Variants in BMAL1 observed in about 807,000 individuals in gnomAD.
BMAL1 encodes the protein basic helix-loop-helix ARNT like 1.
the BMAL1 span, among the ~76,000 whole-genome samples, chr11:13,320,080 A>G: frequency 6.6e-6 from 1 of 152,216 alleles, no homozygotes; most frequent in Non-Finnish European, 1.5e-5. Context: ...CGAAGGTTTG[A>G]AACCTTAGCA....
chr11:13,292,661 C>A, the BMAL1 span, among the ~76,000 whole-genome samples: 2 of 151,874 alleles, frequency 1.3e-5, no homozygotes, highest in African/African-American at 4.8e-5. Flanking sequence ...GTTGGGATAC[C>A]AGGTGAGTCC....
chr11:13,382,813 C>T, the BMAL1 span, among the ~76,000 whole-genome samples: 6 of 152,186 alleles, frequency 3.9e-5, no homozygotes, highest in Admixed American at 2.0e-4. Flanking sequence ...CCTCAGCGTT[C>T]GTTTTATAAG....
At chr11:13,334,541 TTC>T in the BMAL1 span, among the ~76,000 whole-genome samples, 1 of 151,738 alleles carries the variant, frequency 6.6e-6, no homozygotes, top group Non-Finnish European at 1.5e-5. Context: ...TTTTTTTTTT[TTC>T]CTGAACATGG....
chr11:13,376,823 A>C, the BMAL1 span: 3 of 1,219,304 alleles, frequency 2.5e-6, no homozygotes, highest in Non-Finnish European at 3.4e-6. Context: ...CCCTCCATTC[A>C]TATTCTGTGG....
chr11:13,335,092 ATC>A, the BMAL1 span, among the ~76,000 whole-genome samples: 1 of 152,228 alleles, frequency 6.6e-6, no homozygotes, highest in East Asian at 1.9e-4. Context: ...ACTGGATAAA[ATC>A]TGGTTCTACC....
chr11:13,385,751 G>A, the BMAL1 span: 1 of 1,613,638 alleles, frequency 6.2e-7, no homozygotes, highest in South Asian at 1.1e-5. Context: ...AGGCTCAGGA[G>A]AACCCAGGTT....
chr11:13,383,088 T>C, the BMAL1 span, among the ~76,000 whole-genome samples: 2 of 152,164 alleles, frequency 1.3e-5, no homozygotes, highest in Non-Finnish European at 2.9e-5. Context: ...CTGACAGCAG[T>C]ATTAAATGGT....
the BMAL1 span, among the ~76,000 whole-genome samples, chr11:13,283,729 A>C: frequency 6.6e-6 from 1 of 151,744 alleles, no homozygotes; most frequent in Non-Finnish European, 1.5e-5. Context: ...GCTGCCTGAA[A>C]CCCTCCGCAT....
At chr11:13,302,355 C>T in the BMAL1 span, among the ~76,000 whole-genome samples, 3 of 152,180 alleles carry the variant, frequency 2.0e-5, no homozygotes, top group African/African-American at 7.2e-5. Flanking sequence ...GGGATCATAG[C>T]TGTTGATGAG....
the BMAL1 span, among the ~76,000 whole-genome samples, chr11:13,324,081 A>C: frequency 1.1e-4 from 16 of 152,222 alleles, no homozygotes; most frequent in African/African-American, 3.6e-4. Flanking sequence ...CCTGGAAGCC[A>C]CCACTGCTCC....
the BMAL1 span, among the ~76,000 whole-genome samples, chr11:13,295,443 G>T: frequency 6.6e-6 from 1 of 152,152 alleles, no homozygotes; most frequent in African/African-American, 2.4e-5. Context: ...AAGTGGGAGG[G>T]CCAGAGTTGG....
chr11:13,319,381 TA>T, the BMAL1 span, among the ~76,000 whole-genome samples: 1 of 152,238 alleles, frequency 6.6e-6, no homozygotes, highest in African/African-American at 2.4e-5. Context: ...ACTTTTGGTT[TA>T]AATGGTTTGC....
the BMAL1 span, among the ~76,000 whole-genome samples, chr11:13,371,865 T>A: frequency 2.6e-5 from 4 of 152,122 alleles, no homozygotes; most frequent in Admixed American, 1.3e-4. Context: ...TTGATCCACC[T>A]CCTCTACTGG....
the BMAL1 span, among the ~76,000 whole-genome samples, chr11:13,346,580 G>A: frequency 6.6e-6 from 1 of 152,178 alleles, no homozygotes; most frequent in Non-Finnish European, 1.5e-5. Context: ...GGGCAGGCTG[G>A]GCTGTGACTT....
chr11:13,346,985 T>C, the BMAL1 span, among the ~76,000 whole-genome samples: 2 of 152,236 alleles, frequency 1.3e-5, no homozygotes, highest in Non-Finnish European at 2.9e-5. Context: ...TGTTGTTTTA[T>C]TTATTGTTCT....
At chr11:13,356,887 C>CA in the BMAL1 span, 2 of 1,595,618 alleles carry the variant, frequency 1.3e-6, no homozygotes, top group Admixed American at 3.5e-5. Context: ...TGGAGATGAG[C>CA]AAGGAGGCCG....
the BMAL1 span, chr11:13,369,585 TCA>T: frequency 6.2e-7 from 1 of 1,612,860 alleles, no homozygotes; most frequent in Non-Finnish European, 8.5e-7. Context: ...AACACTGCTC[TCA>T]GTTTATCACA....
chr11:13,316,762 G>C, the BMAL1 span, among the ~76,000 whole-genome samples: 7 of 152,200 alleles, frequency 4.6e-5, no homozygotes, highest in South Asian at 1.5e-3. Flanking sequence ...TGACCAAATG[G>C]GGAAAGTGGA....
chr11:13,332,334 A>C, the BMAL1 span, among the ~76,000 whole-genome samples: 1 of 152,192 alleles, frequency 6.6e-6, no homozygotes, highest in African/African-American at 2.4e-5. Context: ...TGTACACAGA[A>C]TGTCCCCAAG....
Sources: gnomAD v4.1 joint callset for allele counts (sites outside exome capture counted in the v4.1 genomes callset) on GRCh38, gnomAD v4.1.1 for gene constraint, MANE v1.5 for transcripts, NCBI Gene and HGNC (gene_info 2026-07-23, HGNC 2026-07-21) for gene names.